Variants in SRGAP3 observed in about 807,000 individuals in gnomAD.
SRGAP3 encodes SLIT-ROBO Rho GTPase-activating protein 3.
Under a neutral mutation model 121.1 loss-of-function variants are expected in SRGAP3, and 39 were observed. The ratio of observed to expected loss-of-function variants is 0.32; its 90% CI spans 0.25 to 0.42. SRGAP3 has a LOEUF of 0.42. SRGAP3 is among the 10% of genes least tolerant of loss of function. The probability of loss-of-function intolerance (pLI) is 1.00; values close to 1 mark genes in which losing one functional copy is unlikely to be tolerated. For synonymous variants in SRGAP3, 601 were observed against 570.0 expected (o/e 1.05, Z -0.77); for missense variants, 1,213 against 1,470.6 (o/e 0.82, Z 2.86).
chr3:9,299,573 C>T (rs1955013829), intron 3 of SRGAP3, among the ~76,000 whole-genome samples: 1 of 152,048 alleles, frequency 6.6e-6, no homozygotes, highest in Non-Finnish European at 1.5e-5. Flanking sequence ...TATTATACAG[C>T]TAAAAATAAC....
intron 21 of SRGAP3, among the ~76,000 whole-genome samples, chr3:8,987,275 C>T (rs1259968867): frequency 6.6e-6 from 1 of 152,184 alleles, no homozygotes; most frequent in African/African-American, 2.4e-5. Context: ...AGGACCTGCT[C>T]AGGCTCAGCT....
At chr3:9,351,473 A>G (rs916735698) in intron 1 of SRGAP3, among the ~76,000 whole-genome samples, 2 of 152,068 alleles carry the variant, frequency 1.3e-5, no homozygotes, top group African/African-American at 4.8e-5. Flanking sequence ...AGCATCCTTC[A>G]ATAAGGGATC....
chr3:9,073,663 T>C (rs1946826763), intron 4 of SRGAP3, among the ~76,000 whole-genome samples: 1 of 152,190 alleles, frequency 6.6e-6, no homozygotes, highest in East Asian at 1.9e-4. Context: ...GAGGATGAAA[T>C]GGATCGGTAC....
chr3:9,014,731 C>T (rs1943548094), intron 15 of SRGAP3: 2 of 152,176 alleles, frequency 1.3e-5, no homozygotes, highest in African/African-American at 4.8e-5. Flanking sequence ...TAAAAAAGAG[C>T]TCAAACCTCC....
intron 3 of SRGAP3, among the ~76,000 whole-genome samples, chr3:9,104,368 G>T (rs997021587): frequency 3.9e-5 from 6 of 152,168 alleles, no homozygotes. Context: ...TTTAATTTTT[G>T]TGTGTGTGCT....
chr3:9,160,574 G>A (rs551376818), intron 1 of SRGAP3, among the ~76,000 whole-genome samples: 1 of 152,312 alleles, frequency 6.6e-6, no homozygotes, highest in South Asian at 2.1e-4. Context: ...GATCTTGACT[G>A]TAAGCTCATG....
chr3:9,017,711 A>C (rs1000417840), intron 14 of SRGAP3, among the ~76,000 whole-genome samples: 7 of 152,148 alleles, frequency 4.6e-5, no homozygotes, highest in African/African-American at 1.7e-4. Context: ...GAAACCATTG[A>C]AATGCATTTT....
chr3:9,343,519 T>G (rs1186115561), intron 1 of SRGAP3, among the ~76,000 whole-genome samples: 1 of 152,236 alleles, frequency 6.6e-6, no homozygotes. Context: ...ATAGAAGTCA[T>G]ATATGTTTAT....
chr3:9,328,545 G>A (rs1955554574), intron 2 of SRGAP3, among the ~76,000 whole-genome samples: 1 of 152,174 alleles, frequency 6.6e-6, no homozygotes, highest in African/African-American at 2.4e-5. Flanking sequence ...ATTTTAGCCA[G>A]GCCAAACGGC....
rs111375771 is a variant in SRGAP3 at position 9,018,305 on chromosome 3, G to T, written c.1679-2574C>A. Among the ~76,000 whole-genome samples the T allele has an allele frequency of 2.4e-3, 367 of 152,252 alleles. 1 individual carries two copies. Among genetic ancestry groups the T allele is most frequent in the African/African-American group, 8.7e-3 (362 of 41,542 alleles). ...TATCTTTGCTATTGTGAATAGTGCT[G>T]CAGTAAACGTGGGAGTGCAGGTATC... On this transcript the variant is annotated intron_variant, in intron 14 of 21. Coordinates refer to ENST00000383836, the MANE Select transcript of SRGAP3 (RefSeq NM_014850.4).
At chr3:9,141,297 G>A (rs897454432) in intron 1 of SRGAP3, among the ~76,000 whole-genome samples, 5 of 152,136 alleles carry the variant, frequency 3.3e-5, no homozygotes, top group Non-Finnish European at 7.3e-5. Flanking sequence ...ACATTAATAG[G>A]GTGCAGGATG....
chr3:8,986,397 G>A (rs145357539), intron 21 of SRGAP3, among the ~76,000 whole-genome samples: 42 of 152,266 alleles, frequency 2.8e-4, no homozygotes, highest in African/African-American at 9.1e-4. Context: ...TCAAAAATAC[G>A]AATGACAATA....
chr3:9,348,914 A>G, intron 1 of SRGAP3: 1 of 1,008,320 alleles, frequency 9.9e-7, no homozygotes, highest in East Asian at 2.4e-5. Flanking sequence ...GAAGGACACT[A>G]TTGCCAAGGC....
chr3:9,001,298 G>C (rs144334398), intron 18 of SRGAP3, among the ~76,000 whole-genome samples: 1 of 152,064 alleles, frequency 6.6e-6, no homozygotes, highest in Non-Finnish European at 1.5e-5. Flanking sequence ...CTGCTTACCC[G>C]GATCTAATCA....
chr3:9,320,335 C>T (rs950599167), intron 3 of SRGAP3, among the ~76,000 whole-genome samples: 1 of 151,840 alleles, frequency 6.6e-6, no homozygotes, highest in Non-Finnish European at 1.5e-5. Context: ...ACTGCAGTAC[C>T]CAATGTTGGA....
rs504153 is a variant in SRGAP3, at chr3:9,028,234, C to G, written c.1540-1239G>C. 4.3e-5 allele frequency: 64 copies of G among 1,493,746 alleles called. No homozygotes were observed. The East Asian group carries it at 7.8e-4, about 18-fold the overall frequency. The allele number at this position is 1,493,746 out of a possible 1,614,324, so 92.5% of individuals were successfully genotyped here. The stretch of plus-strand genomic sequence containing the variant: ...CAGATCCTTCAGAGTCCGTGAACGC[C>G]GAAATGCAATGGCAGCCAGCCAAGG... On this transcript the variant is annotated intron_variant, in intron 12 of 21. Coordinates refer to ENST00000383836, the MANE Select transcript of SRGAP3 (RefSeq NM_014850.4).
At position 9,325,281 on chromosome 3, in the gene SRGAP3, C is replaced by T. The variant is rs144597678; in HGVS notation, n.442+729G>A. On this transcript the variant is annotated intron_variant and non_coding_transcript_variant, in intron 3 of 3. Transcript: ENST00000490889. Reference sequence around the variant, plus strand: ...TTGGAGTATGCTCCTTACCCAGGGTCCCCATAAACCAAACCACATAAAGTT... The same window carrying T: ...TTGGAGTATGCTCCTTACCCAGGGTTCCCATAAACCAAACCACATAAAGTT... Among the ~76,000 whole-genome samples, 85 of 151,838 alleles carry T rather than the reference C, an allele frequency of 5.6e-4. 1 individual carries two copies. Among genetic ancestry groups the T allele is most frequent in the African/African-American group, 2.0e-3 (83 of 41,526 alleles).
chr3:9,180,277 G>C (rs1951334086), intron 1 of SRGAP3, among the ~76,000 whole-genome samples: 1 of 152,236 alleles, frequency 6.6e-6, no homozygotes, highest in South Asian at 2.1e-4. Context: ...TTAGTAGGCA[G>C]ACAGCTGCCC....
chr3:9,146,948 G>C (rs1038344930), intron 1 of SRGAP3, among the ~76,000 whole-genome samples: 8 of 152,186 alleles, frequency 5.3e-5, no homozygotes, highest in Non-Finnish European at 1.2e-4. Flanking sequence ...ATGAGTGGCA[G>C]AAATGGACCC....
Sources: allele counts gnomAD v4.1 joint callset (sites outside exome capture counted in the v4.1 genomes callset), GRCh38; gene constraint gnomAD v4.1.1; transcripts MANE v1.5; gene names NCBI Gene and HGNC (gene_info 2026-07-23, HGNC 2026-07-21).